The following ZSWIM9 variants were observed in gnomAD, a reference collection of about 807,000 sequenced individuals.
ZSWIM9 encodes uncharacterized protein ZSWIM9.
A neutral mutation model predicts 25.0 loss-of-function variants in ZSWIM9; 11 were observed. The ratio of observed to expected loss-of-function variants is 0.44; its 90% CI spans 0.28 to 0.73. ZSWIM9 has a LOEUF of 0.73. ZSWIM9 is among the 30% of genes least tolerant of loss of function. The pLI, the probability that ZSWIM9 is intolerant of heterozygous loss-of-function variation, is 0.16. For missense variants in ZSWIM9, 1,070 were observed against 1,296.5 expected (o/e 0.83, Z 2.68); for synonymous variants, 562 against 582.1 (o/e 0.97, Z 0.50).
Position 48,197,105 on chromosome 19 carries a change from G to A in ZSWIM9, c.*278G>A, listed in dbSNP as rs1007690391. On this transcript the variant is annotated 3_prime_UTR_variant, in exon 4 of 4. Transcript: ENST00000614654. Reference sequence around the variant, plus strand: ...GAGGAAGCATGTGATGAGAGGTGTAGACAGGGTCAGGCTGGGACAGAAGGA... The same window carrying A: ...GAGGAAGCATGTGATGAGAGGTGTAAACAGGGTCAGGCTGGGACAGAAGGA... 4.5e-5 allele frequency: 29 copies of A among 638,706 alleles called. No individual in the cohort carries two copies. Among genetic ancestry groups the A allele is most frequent in the Non-Finnish European group, 6.7e-5 (24 of 356,344 alleles). The allele number at this position is 638,706 out of a possible 1,614,324, so 39.6% of individuals were successfully genotyped here.
chr19:48,192,470 A>ATGTATGT (rs1568582364), intron 3 of ZSWIM9, among the ~76,000 whole-genome samples: 2 of 25,648 alleles, frequency 7.8e-5, no homozygotes, highest in Non-Finnish European at 1.6e-4. Flanking sequence ...AAAAAAAAAA[A>ATGTATGT]AAAAAAAAAA....
chr19:48,187,573 A>AT (rs2037042863), intron 3 of ZSWIM9: 1 of 42,938 alleles, frequency 2.3e-5, no homozygotes, highest in Admixed American at 5.4e-4. Context: ...ATAATATTAT[A>AT]TATATTATAT....
Position 48,196,498 on chromosome 19 carries a change from C to A in ZSWIM9, c.2434C>A (p.Pro812Thr). The A allele has an allele frequency of 4.1e-6, 5 of 1,232,522 alleles. No homozygotes were observed. The highest frequency in any genetic ancestry group is 4.0e-6 in the Non-Finnish European group (4 of 988,278). The allele number at this position is 1,232,522 out of a possible 1,614,324, so 76.3% of individuals were successfully genotyped here. ...CAGGGAACCAAAGAGGCTTTGCCGACCCCCGGGAGAGGAGGAGGTGGACTG... is the reference window on the plus strand; with the variant it reads ...CAGGGAACCAAAGAGGCTTTGCCGAACCCCGGGAGAGGAGGAGGTGGACTG... ...GPREPKRLCR[P>T]PGEEEVDWEP... The change falls in exon 4 of 4, where the codon CCC becomes ACC. Residue 812 changes from proline to threonine, a missense_variant. This residue lies in a region of ZSWIM9 where 583 missense variants were observed against 624.7 expected (regional missense o/e 0.93). Coordinates refer to ENST00000614654, the MANE Select transcript of ZSWIM9 (RefSeq NM_199341.4).
At chr19:48,190,604 C>T (rs1471355535) in intron 3 of ZSWIM9, 1 of 154,808 alleles carries the variant, frequency 6.5e-6, no homozygotes, top group African/African-American at 2.4e-5. Context: ...TGCTTACCTG[C>T]AAGGGGGCAG....
intron 2 of ZSWIM9, among the ~76,000 whole-genome samples, chr19:48,180,206 G>A (rs746095677): frequency 2.6e-5 from 4 of 152,102 alleles, no homozygotes; most frequent in African/African-American, 7.2e-5. Context: ...AGTAGAGACC[G>A]CGTTTCTCCA....
rs1228942044 is a variant in ZSWIM9, at chr19:48,182,811, A to G, written c.588+44A>G. 3.5e-6 allele frequency: 5 copies of G among 1,424,108 alleles called. No individual in the cohort carries two copies. Among genetic ancestry groups the G allele is most frequent in the Non-Finnish European group, 2.8e-6 (3 of 1,061,940 alleles). 88.2% of individuals were successfully genotyped at this position (1,424,108 alleles called of 1,614,324 possible). ...CAGGCCGGGGGAGGGGGCGGGGGAA[A>G]GCCGCGCTGAAGACTCGTGGGTCAT... On this transcript the variant is annotated intron_variant, in intron 3 of 3. Coordinates refer to ENST00000614654, the MANE Select transcript of ZSWIM9 (RefSeq NM_199341.4). This position sits in a 1 kb window ranked among gnomAD's most constrained non-coding sequence, Gnocchi z 4.6.
chr19:48,175,215 C>T (rs1281723201), intron 2 of ZSWIM9, among the ~76,000 whole-genome samples: 2 of 152,130 alleles, frequency 1.3e-5, no homozygotes, highest in Non-Finnish European at 2.9e-5. Context: ...CAGAGACAGC[C>T]AAGGAGCAGG....
At chr19:48,177,565 A>C (rs778770595) in intron 2 of ZSWIM9, among the ~76,000 whole-genome samples, 13 of 152,178 alleles carry the variant, frequency 8.5e-5, no homozygotes, top group Non-Finnish European at 1.3e-4. Flanking sequence ...AAGCACCAGT[A>C]GGTGGTTATG....
chr19:48,176,264 A>G (rs1221523588), intron 2 of ZSWIM9, among the ~76,000 whole-genome samples: 1 of 152,162 alleles, frequency 6.6e-6, no homozygotes, highest in Admixed American at 6.5e-5. Context: ...CGGGTCCTTG[A>G]AAAAAAGTTT....
intron 3 of ZSWIM9, among the ~76,000 whole-genome samples, chr19:48,187,318 A>T (rs2037024105): frequency 7.2e-6 from 1 of 139,662 alleles, no homozygotes; most frequent in Non-Finnish European, 1.5e-5. Flanking sequence ...TCACTTATAA[A>T]ATCTAATGAA....
At position 48,194,979 on chromosome 19, in the gene ZSWIM9, G is replaced by C. The variant is rs1013518878; in HGVS notation, c.915G>C (p.Val305=). 29 of 1,334,008 alleles carry C rather than the reference G, an allele frequency of 2.2e-5. No individual in the cohort carries two copies. The highest frequency in any genetic ancestry group is 2.8e-5 in the Non-Finnish European group (29 of 1,046,080). The allele number at this position is 1,334,008 out of a possible 1,614,324, so 82.6% of individuals were successfully genotyped here. The stretch of plus-strand genomic sequence containing the variant: ...AGGTGGCGGCGCAGTTGCCTGCAGT[G>C]CGCCAGCTGCTGCCCTGCGCGCGCG... The part of the protein sequence containing the change: ...GPEVAAQLPA[V]RQLLPCARVQ... Residue 305 remains valine, a synonymous_variant, in exon 4 of 4, where the codon GTG becomes GTC. Coordinates refer to ENST00000614654, the MANE Select transcript of ZSWIM9 (RefSeq NM_199341.4). The surrounding 1 kb of genome is among the most constrained non-coding windows in gnomAD (Gnocchi z 6.0).
chr19:48,176,077 G>A (rs2036890594), intron 2 of ZSWIM9, among the ~76,000 whole-genome samples: 3 of 152,134 alleles, frequency 2.0e-5, no homozygotes, highest in Non-Finnish European at 4.4e-5. Flanking sequence ...CTGGTGGCAG[G>A]TGCCTGTAAT....
At chr19:48,193,607 G>A (rs2037123492) in intron 3 of ZSWIM9, among the ~76,000 whole-genome samples, 1 of 152,210 alleles carries the variant, frequency 6.6e-6, no homozygotes. Context: ...TTGCCAAAGG[G>A]TGGTAAGTGC....
chr19:48,188,991 A>T (rs1466816464), intron 3 of ZSWIM9, among the ~76,000 whole-genome samples: 1 of 151,964 alleles, frequency 6.6e-6, no homozygotes, highest in Admixed American at 6.6e-5. Context: ...AGCTCACACC[A>T]CTGTACTCCA....
rs544174312 is a variant in ZSWIM9 at position 48,190,034 on chromosome 19, C to T, written c.589-4619C>T. Among the ~76,000 whole-genome samples, 372 of 152,064 alleles carry T rather than the reference C, an allele frequency of 2.4e-3. 8 individuals carry two copies. The South Asian group carries it at 0.051, about 21-fold the overall frequency. ...CTTGGCCAACATGGTGAAACCCCGTCTCTACTAAAAATACATAAATTAGCC... is the reference window on the plus strand; with the variant it reads ...CTTGGCCAACATGGTGAAACCCCGTTTCTACTAAAAATACATAAATTAGCC... On this transcript the variant is annotated intron_variant, in intron 3 of 3. Transcript: ENST00000614654.
rs374721083 is a variant in ZSWIM9, at chr19:48,186,003, G to A, written c.588+3236G>A. ...TCTTGTCTAAAAAAATAAAAAGAAAGAAAATGGTTCTTATCTGTACTGTCC... is the reference window on the plus strand; with the variant it reads ...TCTTGTCTAAAAAAATAAAAAGAAAAAAAATGGTTCTTATCTGTACTGTCC... On this transcript the variant is annotated intron_variant, in intron 3 of 3. Transcript: ENST00000614654. 2.5e-4 allele frequency among the ~76,000 whole-genome samples: 38 copies of A among 152,186 alleles called. No homozygotes were observed. The East Asian group carries it at 3.9e-3, about 15-fold the overall frequency.
rs2123472091 is a variant in ZSWIM9 at position 48,197,148 on chromosome 19, G to C, written c.*321G>C. On this transcript the variant is annotated 3_prime_UTR_variant, in exon 4 of 4. Coordinates refer to ENST00000614654, the MANE Select transcript of ZSWIM9 (RefSeq NM_199341.4). ...CAGAAGGAAGGAAAGGGGCAGAGCTGGGGGGAGGGGGAGGAAGCGATCATA... is the reference window on the plus strand; with the variant it reads ...CAGAAGGAAGGAAAGGGGCAGAGCTCGGGGGAGGGGGAGGAAGCGATCATA... 2 of 691,516 alleles carry C rather than the reference G, an allele frequency of 2.9e-6. No individual in the cohort carries two copies. The highest frequency in any genetic ancestry group is 5.4e-5 in the East Asian group (2 of 37,008). 42.8% of individuals were successfully genotyped at this position (691,516 alleles called of 1,614,324 possible). A position where few individuals can be genotyped will look rare whatever the true frequency, so the allele number is the denominator to read the frequency against.
chr19:48,179,522 T>C (rs10405655), intron 2 of ZSWIM9, among the ~76,000 whole-genome samples: 27,202 of 152,108 alleles, frequency 0.18, 2,847 homozygotes, highest in African/African-American at 0.29. Context: ...ATTAATTTCA[T>C]GTAATGGGCT....
intron 2 of ZSWIM9, among the ~76,000 whole-genome samples, chr19:48,176,008 C>T (rs1233453662): frequency 1.3e-5 from 2 of 152,190 alleles, no homozygotes; most frequent in Non-Finnish European, 2.9e-5. Context: ...GAGTTTGAGA[C>T]CAGCCTGGCC....
Sources: gnomAD v4.1 joint callset for allele counts (sites outside exome capture counted in the v4.1 genomes callset) on GRCh38, gnomAD v4.1.1 for gene constraint, gnomAD v4.1.1 regional missense constraint, Gnocchi (gnomAD v3.1) non-coding constraint, MANE v1.5 for transcripts, NCBI Gene and HGNC (gene_info 2026-07-23, HGNC 2026-07-21) for gene names.